Variants in PMEPA1 observed in about 807,000 individuals in gnomAD.
PMEPA1 encodes the protein protein TMEPAI.
In PMEPA1, 11 loss-of-function variants were observed where a neutral mutation model predicts 23.0. The ratio of observed to expected loss-of-function variants is 0.48; its 90% CI spans 0.30 to 0.79. The LOEUF (loss-of-function observed/expected upper bound fraction) is 0.79. PMEPA1 is among the 30% of genes least tolerant of loss of function. The pLI, the probability that PMEPA1 is intolerant of heterozygous loss-of-function variation, is 0.06. For synonymous variants in PMEPA1, 204 were observed against 166.4 expected, an observed-to-expected ratio of 1.23 and a Z score of -1.74; for missense variants, 377 against 390.9, an observed-to-expected ratio of 0.96 and a Z score of 0.30.
intron 2 of PMEPA1, among the ~76,000 whole-genome samples, chr20:57,657,861 G>A (rs1033141219): frequency 9.2e-5 from 14 of 152,308 alleles, no homozygotes; most frequent in Middle Eastern, 3.4e-3. Flanking sequence ...TGCCTGTTCT[G>A]TGAGTCCTCC....
chr20:57,660,985 C>A (rs434787), intron 1 of PMEPA1, among the ~76,000 whole-genome samples: 1 of 152,212 alleles, frequency 6.6e-6, no homozygotes, highest in African/African-American at 2.4e-5. Flanking sequence ...CGTGCCCACA[C>A]ACACACATCC....
intron 1 of PMEPA1, among the ~76,000 whole-genome samples, chr20:57,669,796 A>AG (rs1384186728): frequency 6.6e-6 from 1 of 152,192 alleles, no homozygotes; most frequent in Non-Finnish European, 1.5e-5. Context: ...CACAGACACC[A>AG]GGGGACATCC....
At chr20:57,675,986 G>A (rs1480949704) in intron 1 of PMEPA1, among the ~76,000 whole-genome samples, 8 of 152,372 alleles carry the variant, frequency 5.3e-5, no homozygotes, top group East Asian at 1.9e-4. Context: ...CCCCACAGGC[G>A]AGGCTATTCC....
intron 1 of PMEPA1, among the ~76,000 whole-genome samples, chr20:57,706,704 A>C (rs2072094722): frequency 6.6e-6 from 1 of 152,008 alleles, no homozygotes; most frequent in South Asian, 2.1e-4. Context: ...CAAATTCAAG[A>C]GGTGTGGGCG....
chr20:57,708,496 G>A (rs1017138331), intron 1 of PMEPA1, among the ~76,000 whole-genome samples: 8 of 152,188 alleles, frequency 5.3e-5, no homozygotes, highest in Non-Finnish European at 1.0e-4. Flanking sequence ...TGCCCAGGCG[G>A]CTGCGTTAGC....
At chr20:57,710,885 A>AT (rs1326914082), upstream of PMEPA1, 1 of 166,304 alleles carries the variant, frequency 6.0e-6, no homozygotes, top group East Asian at 1.7e-4. Flanking sequence ...CCTCTTAAAA[A>AT]TTTAGTGTGT....
chr20:57,668,567 C>CCCTTAAG (rs1398680290), intron 1 of PMEPA1, among the ~76,000 whole-genome samples: 44 of 152,216 alleles, frequency 2.9e-4, no homozygotes, highest in African/African-American at 1.0e-3. Flanking sequence ...GGAGAAGGTT[C>CCCTTAAG]CCTTAAGCAG....
chr20:57,692,502 GC>G (rs1256308591), intron 1 of PMEPA1, among the ~76,000 whole-genome samples: 2 of 150,238 alleles, frequency 1.3e-5, no homozygotes, highest in East Asian at 3.9e-4. Flanking sequence ...TCCCCCTGAA[GC>G]CCCTCCCTGC....
chr20:57,680,142 G>A (rs1044011174), intron 1 of PMEPA1, among the ~76,000 whole-genome samples: 15 of 152,186 alleles, frequency 9.9e-5, no homozygotes, highest in South Asian at 2.1e-4. Context: ...ACTTCTGCCC[G>A]TCAGACACTC....
chr20:57,710,530 AC>A, upstream of PMEPA1: 3 of 1,548,494 alleles, frequency 1.9e-6, no homozygotes, highest in Non-Finnish European at 2.6e-6. Context: ...GGCCCACTGA[AC>A]CCCCAAGCGC....
At chr20:57,710,465 G>A, upstream of PMEPA1, 3 of 1,608,470 alleles carry the variant, frequency 1.9e-6, no homozygotes, top group Non-Finnish European at 2.5e-6. Flanking sequence ...ATCACCCATT[G>A]CCTGGTTTCG....
intron 2 of PMEPA1, among the ~76,000 whole-genome samples, chr20:57,658,313 C>G (rs1200281282): frequency 6.6e-6 from 1 of 152,194 alleles, no homozygotes; most frequent in Non-Finnish European, 1.5e-5. Flanking sequence ...ACTCCCGCGC[C>G]CACTTCACCT....
chr20:57,667,008 G>A (rs754145938), intron 1 of PMEPA1, among the ~76,000 whole-genome samples: 30 of 152,214 alleles, frequency 2.0e-4, no homozygotes, highest in Non-Finnish European at 3.8e-4. Flanking sequence ...AAATATAATT[G>A]CATTAAATGA....
chr20:57,653,353 G>T (rs117540631), intron 2 of PMEPA1, among the ~76,000 whole-genome samples: 3,387 of 152,220 alleles, frequency 0.022, 65 homozygotes, highest in Non-Finnish European at 0.034. Flanking sequence ...ACACCCACTT[G>T]TGGGGCCCCC....
In PMEPA1 at chr20:57,683,547, C is replaced by CTGTGTGTGTGTGTG. The variant is rs56747812; in HGVS notation, c.110-23851_110-23850insCACACACACACACA. 0.027 allele frequency among the ~76,000 whole-genome samples: 3,845 copies of CTGTGTGTGTGTGTG among 139,886 alleles called. 189 individuals are homozygous for CTGTGTGTGTGTGTG. Among genetic ancestry groups the CTGTGTGTGTGTGTG allele is most frequent in the African/African-American group, 0.11 (3,626 of 33,754 alleles). 91.8% of individuals were successfully genotyped at this position (139,886 alleles called of 152,430 possible). On this transcript the variant is annotated intron_variant, in intron 1 of 3. Coordinates refer to ENST00000341744, the MANE Select transcript of PMEPA1 (RefSeq NM_020182.5). The surrounding 1 kb of genome is among the most constrained non-coding windows in gnomAD (Gnocchi z 4.3). ...ACTAACTCGGTGGTGGTGTTCTGGCCTGTGTGCGTGTGTGTGTGTGTGTGT... is the reference window on the plus strand; with the variant it reads ...ACTAACTCGGTGGTGGTGTTCTGGCCTGTGTGTGTGTGTGTGTGTGCGTGTGTGTGTGTGTGTGT...
At position 57,652,679 on chromosome 20, in the gene PMEPA1, G is replaced by A; in HGVS notation, c.319-81C>T. On this transcript the variant is annotated intron_variant, in intron 3 of 3. Coordinates refer to ENST00000341744, the MANE Select transcript of PMEPA1 (RefSeq NM_020182.5). The surrounding 1 kb of genome is among the most constrained non-coding windows in gnomAD (Gnocchi z 6.1). ...GAAGCGATCCTGAGACTGGAGTTCT[G>A]CTGCATGGGACTTGGCTCTCTGGGG... is the stretch of plus-strand genomic sequence containing the variant. 1.7e-6 allele frequency: 2 copies of A among 1,195,062 alleles called. No homozygotes were observed. The highest frequency in any genetic ancestry group is 2.3e-6 in the Non-Finnish European group (2 of 879,072). The allele number at this position is 1,195,062 out of a possible 1,614,324, so 74.0% of individuals were successfully genotyped here.
intron 1 of PMEPA1, among the ~76,000 whole-genome samples, chr20:57,705,948 A>T (rs1046090165): frequency 2.0e-5 from 3 of 152,076 alleles, no homozygotes; most frequent in African/African-American, 7.2e-5. Flanking sequence ...CTGTCTCTAC[A>T]CCCTCACTTG....
At chr20:57,657,072 C>A (rs942270787) in intron 2 of PMEPA1, among the ~76,000 whole-genome samples, 2 of 152,152 alleles carry the variant, frequency 1.3e-5, no homozygotes, top group East Asian at 1.9e-4. Context: ...GAAGGTGTGA[C>A]GGAATCCTAC....
In PMEPA1 at chr20:57,682,268, G is replaced by T. The variant is rs915358300; in HGVS notation, c.110-22571C>A. On this transcript the variant is annotated intron_variant, in intron 1 of 3. Transcript: ENST00000341744. The surrounding 1 kb of genome is among the most constrained non-coding windows in gnomAD (Gnocchi z 4.4). ...AGCAAAGGCTCCCAGTGGGAATGAA[G>T]GCTTGAGCTGAGTGTGAATGGTGCT... Among the ~76,000 whole-genome samples the T allele has an allele frequency of 2.6e-5, 4 of 152,226 alleles. No homozygotes were observed. The highest frequency in any genetic ancestry group is 2.6e-4 in the Admixed American group (4 of 15,286).
Sources: gnomAD v4.1 joint callset for allele counts (sites outside exome capture counted in the v4.1 genomes callset) on GRCh38, gnomAD v4.1.1 for gene constraint, Gnocchi (gnomAD v3.1) non-coding constraint, MANE v1.5 for transcripts, NCBI Gene and HGNC (gene_info 2026-07-23, HGNC 2026-07-21) for gene names.